Variants in EPC1 observed in about 807,000 individuals in gnomAD.
EPC1 encodes enhancer of polycomb 1.
A neutral mutation model predicts 98.4 loss-of-function variants in EPC1; 12 were observed. The ratio of observed to expected loss-of-function variants is 0.12; its 90% CI spans 0.08 to 0.20. The LOEUF is 0.20. Among genes scored for constraint, EPC1 ranks in the 10% least tolerant of loss-of-function variants. The pLI, the probability that EPC1 is intolerant of heterozygous loss-of-function variation, is 1.00. For synonymous variants in EPC1, 357 were observed against 363.9 expected (o/e 0.98, Z 0.21); for missense variants, 729 against 990.5 (o/e 0.74, Z 3.54).
At chr10:32,339,014 C>A (rs1838161452) in intron 1 of EPC1, among the ~76,000 whole-genome samples, 2 of 151,546 alleles carry the variant, frequency 1.3e-5, no homozygotes, top group South Asian at 2.1e-4. Flanking sequence ...ATTCTCATGA[C>A]AATAAAAGTT....
rs187944977 is a variant in EPC1 at position 32,280,295 on chromosome 10, T to A, written c.1744+4403A>T. ...CATGGTGAAACCCCGTCTCTACTAA[T>A]ACAAAAATTAGCTGGGTGTGGTGGT... On this transcript the variant is annotated intron_variant, in intron 10 of 13. Transcript: ENST00000319778. Among the ~76,000 whole-genome samples the A allele has an allele frequency of 5.5e-5, 8 of 145,334 alleles. No homozygotes were observed. The East Asian group carries it at 1.6e-3, about 30-fold the overall frequency.
At chr10:32,299,516 G>A (rs886391624) in intron 2 of EPC1, among the ~76,000 whole-genome samples, 1 of 147,992 alleles carries the variant, frequency 6.8e-6, no homozygotes, top group Non-Finnish European at 1.5e-5. Context: ...GATGTTTTTT[G>A]GGTATGTCCC....
At chr10:32,278,416 C>T in intron 10 of EPC1, among the ~76,000 whole-genome samples, 1 of 109,568 alleles carries the variant, frequency 9.1e-6, no homozygotes. Context: ...GAGTCTCGCT[C>T]TGTCGCCCAG....
At chr10:32,290,483 C>CAAA (rs57193296) in intron 6 of EPC1, among the ~76,000 whole-genome samples, 1 of 40,152 alleles carries the variant, frequency 2.5e-5, no homozygotes, top group African/African-American at 1.3e-4. Flanking sequence ...AAGACTCTGT[C>CAAA]AAAAAAAAAA....
intron 2 of EPC1, among the ~76,000 whole-genome samples, chr10:32,299,148 G>A (rs1225089980): frequency 6.6e-6 from 1 of 152,104 alleles, no homozygotes; most frequent in East Asian, 1.9e-4. Flanking sequence ...CATTTTCGAA[G>A]CCATAGGAGG....
At chr10:32,334,531 G>A (rs2132988890) in intron 1 of EPC1, among the ~76,000 whole-genome samples, 1 of 151,194 alleles carries the variant, frequency 6.6e-6, no homozygotes, top group Non-Finnish European at 1.5e-5. Context: ...TGATGTCAAT[G>A]AAGTGACTTT....
rs144537992 is a variant in EPC1 at position 32,280,014 on chromosome 10, G to T, written c.1744+4684C>A. 3.0e-3 allele frequency among the ~76,000 whole-genome samples: 455 copies of T among 152,178 alleles called. 5 individuals carry two copies. The highest frequency in any genetic ancestry group is 0.01 in the African/African-American group (432 of 41,512). ...CACACCTAACTCACACAATACTCAG[G>T]TATTAGGAAGCCTGATACCAGACTG... On this transcript the variant is annotated intron_variant, in intron 10 of 13. Transcript: ENST00000319778.
chr10:32,327,056 TGTG>T (rs1248516469), intron 1 of EPC1, among the ~76,000 whole-genome samples: 23 of 65,818 alleles, frequency 3.5e-4, no homozygotes, highest in Admixed American at 1.2e-3. Flanking sequence ...ATGAAGAAAA[TGTG>T]GTGACACACA....
At chr10:32,274,708 C>T (rs1438162152) in intron 10 of EPC1, among the ~76,000 whole-genome samples, 1 of 152,088 alleles carries the variant, frequency 6.6e-6, no homozygotes, top group Admixed American at 6.6e-5. Flanking sequence ...ATTCACAAAT[C>T]TGCAATCTGT....
intron 1 of EPC1, among the ~76,000 whole-genome samples, chr10:32,336,075 T>C (rs562452190): frequency 1.3e-5 from 2 of 150,942 alleles, no homozygotes; most frequent in African/African-American, 4.9e-5. Context: ...TTCTTTTTTT[T>C]TTTTTTTTTT....
At chr10:32,300,339 C>CA (rs771767299) in intron 2 of EPC1, among the ~76,000 whole-genome samples, 89 of 152,038 alleles carry the variant, frequency 5.9e-4, no homozygotes, top group Non-Finnish European at 1.0e-3. Flanking sequence ...TGGTGTGCTG[C>CA]ACCCATTAAC....
intron 2 of EPC1, among the ~76,000 whole-genome samples, chr10:32,303,831 C>T (rs1835718918): frequency 6.6e-6 from 1 of 152,136 alleles, no homozygotes; most frequent in Non-Finnish European, 1.5e-5. Flanking sequence ...TAGATTGTAC[C>T]AATTTCAATT....
At chr10:32,357,947 C>T (rs1344756566) in intron 1 of EPC1, among the ~76,000 whole-genome samples, 3 of 150,482 alleles carry the variant, frequency 2.0e-5, no homozygotes, top group Admixed American at 6.6e-5. Context: ...CTCCACCTCC[C>T]GGATTCATGA....
chr10:32,363,663 C>T (rs1219853815), intron 1 of EPC1, among the ~76,000 whole-genome samples: 1 of 104,872 alleles, frequency 9.5e-6, no homozygotes, highest in East Asian at 3.8e-4. Flanking sequence ...TACTAGTGTG[C>T]ACACACATGT....
At chr10:32,356,789 C>A (rs1405251649) in intron 1 of EPC1, among the ~76,000 whole-genome samples, 1 of 152,038 alleles carries the variant, frequency 6.6e-6, no homozygotes, top group Admixed American at 6.5e-5. Flanking sequence ...TCGAGACCAT[C>A]CTGCCTAACA....
At chr10:32,337,091 T>A (rs948297960) in intron 1 of EPC1, among the ~76,000 whole-genome samples, 5 of 152,216 alleles carry the variant, frequency 3.3e-5, no homozygotes, top group African/African-American at 1.2e-4. Context: ...AATATTCCTT[T>A]AAACATTTTT....
intron 10 of EPC1, among the ~76,000 whole-genome samples, chr10:32,274,500 G>C (rs1225647715): frequency 1.3e-5 from 2 of 152,258 alleles, no homozygotes; most frequent in East Asian, 3.9e-4. Context: ...GAATGGATCA[G>C]AAAATTGTGA....
chr10:32,358,663 GA>G (rs1233136059), intron 1 of EPC1, among the ~76,000 whole-genome samples: 107 of 146,262 alleles, frequency 7.3e-4, no homozygotes, highest in African/African-American at 2.6e-3. Context: ...GGCGGGGGGG[GA>G]AGAAAGTGGG....
chr10:32,348,094 G>C (rs968331096), upstream of EPC1, among the ~76,000 whole-genome samples: 2 of 152,100 alleles, frequency 1.3e-5, no homozygotes, highest in African/African-American at 2.4e-5. Context: ...CATAGCCGTG[G>C]GTTCACACTT....
Sources: gnomAD v4.1 joint callset for allele counts (sites outside exome capture counted in the v4.1 genomes callset) on GRCh38, gnomAD v4.1.1 for gene constraint, MANE v1.5 for transcripts, NCBI Gene and HGNC (gene_info 2026-07-23, HGNC 2026-07-21) for gene names.